Variants in DGKI observed in about 807,000 individuals in gnomAD.
DGKI encodes DAG kinase iota.
DGKI carries 55 observed loss-of-function variants against 147.5 expected under a neutral mutation model. The observed-to-expected ratio is 0.37, with a 90% confidence interval of 0.30 to 0.47. The LOEUF is 0.47. Ranked by LOEUF, DGKI falls within the 20% of genes least tolerant of loss-of-function variation. The probability of loss-of-function intolerance (pLI) is 1.00; values close to 1 mark genes in which losing one functional copy is unlikely to be tolerated. For missense variants in DGKI, 1,007 were observed against 1,323.8 expected (o/e 0.76, Z 3.71); for synonymous variants, 469 against 477.1 (o/e 0.98, Z 0.22).
At chr7:137,400,703 C>T (rs906880352) in intron 30 of DGKI, among the ~76,000 whole-genome samples, 3 of 152,082 alleles carry the variant, frequency 2.0e-5, no homozygotes, top group Non-Finnish European at 4.4e-5. Flanking sequence ...AGGTGAGAGG[C>T]AGAGGCACTA....
At chr7:137,513,683 G>A (rs1816654795) in intron 21 of DGKI, among the ~76,000 whole-genome samples, 1 of 152,186 alleles carries the variant, frequency 6.6e-6, no homozygotes, top group East Asian at 1.9e-4. Flanking sequence ...GGTATAGCCT[G>A]TAGCTCCTAG....
chr7:137,691,014 A>T (rs1823584922), intron 1 of DGKI, among the ~76,000 whole-genome samples: 1 of 152,174 alleles, frequency 6.6e-6, no homozygotes, highest in Non-Finnish European at 1.5e-5. Context: ...TAGAAGGGAG[A>T]GGGGCTTTTC....
In DGKI at chr7:137,846,701, G is replaced by T; in HGVS notation, c.162C>A (p.Asn54Lys). The T allele has an allele frequency of 1.9e-6, 2 of 1,042,576 alleles. No individual in the cohort carries two copies. The allele number at this position is 1,042,576 out of a possible 1,614,324, so 64.6% of individuals were successfully genotyped here. A position where few individuals can be genotyped will look rare whatever the true frequency, so the allele number is the denominator to read the frequency against. ...PSAAAGAGAMNPSSSAGEEKG... is the reference protein window; with the variant it reads ...PSAAAGAGAMKPSSSAGEEKG... ...TCTCCTCTCCCGCCGAGGAGCTGGG[G>T]TTCATGGCGCCCGCTCCGGCGGCCG... Residue 54 changes from asparagine (N) to lysine (K), a missense_variant, in exon 1 of 33, where the codon AAC becomes AAA. Transcript: ENST00000614521. The surrounding 1 kb of genome is among the most constrained non-coding windows in gnomAD (Gnocchi z 4.0).
At chr7:137,780,747 G>A (rs796992597) in intron 1 of DGKI, among the ~76,000 whole-genome samples, 2 of 152,200 alleles carry the variant, frequency 1.3e-5, no homozygotes, top group South Asian at 2.1e-4. Context: ...AGAGCTAGAC[G>A]TTTTGCAAAA....
chr7:137,745,787 A>G (rs1205821118), intron 1 of DGKI, among the ~76,000 whole-genome samples: 4 of 152,234 alleles, frequency 2.6e-5, no homozygotes, highest in African/African-American at 9.6e-5. Flanking sequence ...GATAGAAAAA[A>G]AAACATATGC....
At chr7:137,432,616 T>C (rs1399447934) in intron 28 of DGKI, among the ~76,000 whole-genome samples, 1 of 152,138 alleles carries the variant, frequency 6.6e-6, no homozygotes, top group Non-Finnish European at 1.5e-5. Flanking sequence ...GATGAAGAAA[T>C]TGAGGTTTAA....
rs764680698 is a variant in DGKI, at chr7:137,412,219, A to C, written c.2762-12T>G. On this transcript the variant is annotated splice_polypyrimidine_tract_variant and intron_variant, in intron 28 of 32. Transcript: ENST00000614521. Reference sequence around the variant, plus strand: ...TGCCTGCAAAATTGCTGTGAAAGACAAAAGAGAGATGTCCCATTAGTAGAA... The same window carrying C: ...TGCCTGCAAAATTGCTGTGAAAGACCAAAGAGAGATGTCCCATTAGTAGAA... 3.7e-6 allele frequency: 6 copies of C among 1,612,828 alleles called. No homozygotes were observed. The highest frequency in any genetic ancestry group is 5.1e-6 in the Non-Finnish European group (6 of 1,178,826).
chr7:137,389,794 G>A lies in DGKI; in HGVS notation c.*1426C>T, dbSNP rs7779548. The A allele has an allele frequency of 0.28, 42,577 of 151,954 alleles. 7,013 individuals are homozygous for A. Among genetic ancestry groups the A allele is most frequent in the Admixed American group, 0.36 (5,420 of 15,258 alleles). The allele number at this position is 151,954 out of a possible 1,614,324, so 9.4% of individuals were successfully genotyped here. On this transcript the variant is annotated 3_prime_UTR_variant, in exon 33 of 33. Coordinates refer to ENST00000614521, the MANE Select transcript of DGKI (RefSeq NM_001321708.2). ...TCTAACTATCTGACAGACATTTCTG[G>A]CTAGATTCCAATGGTGGTTTGCACT...
intron 6 of DGKI, among the ~76,000 whole-genome samples, chr7:137,641,626 T>A (rs532053793): frequency 1.1e-4 from 16 of 152,258 alleles, no homozygotes; most frequent in Admixed American, 1.0e-3. Flanking sequence ...AGATATCTTA[T>A]GTATACGCAA....
chr7:137,508,486 A>G (rs1816451975), intron 21 of DGKI, among the ~76,000 whole-genome samples: 1 of 152,050 alleles, frequency 6.6e-6, no homozygotes. Flanking sequence ...TCGGCCTCCC[A>G]AAGTGCTGGG....
At chr7:137,675,564 A>T (rs1823003395) in intron 3 of DGKI, among the ~76,000 whole-genome samples, 1 of 151,964 alleles carries the variant, frequency 6.6e-6, no homozygotes. Flanking sequence ...TTGCACCTGT[A>T]ACCCCAGCTA....
At chr7:137,579,557 T>G (rs1005572101) in intron 15 of DGKI, among the ~76,000 whole-genome samples, 4 of 152,054 alleles carry the variant, frequency 2.6e-5, no homozygotes, top group African/African-American at 9.7e-5. Context: ...AGTCCATACC[T>G]CTGGTCTAAG....
chr7:137,416,859 G>T (rs978044496), intron 28 of DGKI, among the ~76,000 whole-genome samples: 1 of 152,110 alleles, frequency 6.6e-6, no homozygotes, highest in Non-Finnish European at 1.5e-5. Flanking sequence ...TCATAACCAC[G>T]AGTAGTTTCC....
Position 137,385,042 on chromosome 7 carries a change from T to C in DGKI, c.*6178A>G, listed in dbSNP as rs1811144301. On this transcript the variant is annotated 3_prime_UTR_variant, in exon 33 of 33. Transcript: ENST00000614521. ...TTACAGGCAGAATTTTCTTCTGTGGTTATACTAGATTACACTTAACTCTTA... is the reference window on the plus strand; with the variant it reads ...TTACAGGCAGAATTTTCTTCTGTGGCTATACTAGATTACACTTAACTCTTA... 1 of 152,106 alleles carries C rather than the reference T, an allele frequency of 6.6e-6. No homozygotes were observed. The allele number at this position is 152,106 out of a possible 1,614,324, so 9.4% of individuals were successfully genotyped here. A position where few individuals can be genotyped will look rare whatever the true frequency, so the allele number is the denominator to read the frequency against.
chr7:137,414,381 G>T (rs1161521031), intron 28 of DGKI, among the ~76,000 whole-genome samples: 1 of 152,204 alleles, frequency 6.6e-6, no homozygotes, highest in Non-Finnish European at 1.5e-5. Flanking sequence ...GCTATAAGCA[G>T]CATCCTCTTT....
At chr7:137,513,887 T>C in intron 21 of DGKI, 3 of 699,054 alleles carry the variant, frequency 4.3e-6, no homozygotes, top group Non-Finnish European at 7.7e-6. Context: ...AAGAAGCGAA[T>C]GCGCAGGCTG....
intron 5 of DGKI, among the ~76,000 whole-genome samples, chr7:137,651,045 G>A (rs185605697): frequency 6.6e-6 from 1 of 152,216 alleles, no homozygotes; most frequent in Non-Finnish European, 1.5e-5. Context: ...CAGAGGGTTT[G>A]CTTTTGCTCT....
intron 4 of DGKI, among the ~76,000 whole-genome samples, chr7:137,656,221 T>A (rs543738267): frequency 6.6e-6 from 1 of 152,250 alleles, no homozygotes; most frequent in African/African-American, 2.4e-5. Flanking sequence ...GGCTTTTCCA[T>A]CTAACTGTGT....
Position 137,846,161 on chromosome 7 carries a change from TCACACACACACACACACACACACA to T in DGKI, c.401+277_401+300del, listed in dbSNP as rs58484819. ...CTCTCTCTCTCTCTCTCTCTCTCTC[TCACACACACACACACACACACACA>T]CACACACACACACACACAGACAAAA... On this transcript the variant is annotated intron_variant, in intron 1 of 32. Coordinates refer to ENST00000614521, the MANE Select transcript of DGKI (RefSeq NM_001321708.2). This position sits in a 1 kb window ranked among gnomAD's most constrained non-coding sequence, Gnocchi z 4.0. 1.8e-5 allele frequency among the ~76,000 whole-genome samples: 2 copies of T among 108,182 alleles called. No individual in the cohort carries two copies. Among genetic ancestry groups the T allele is most frequent in the African/African-American group, 7.7e-5 (2 of 25,930 alleles). The allele number at this position is 108,182 out of a possible 152,430, so 71.0% of individuals were successfully genotyped here.
Sources: allele counts gnomAD v4.1 joint callset (sites outside exome capture counted in the v4.1 genomes callset), GRCh38; gene constraint gnomAD v4.1.1; non-coding constraint Gnocchi (gnomAD v3.1); transcripts MANE v1.5; gene names NCBI Gene and HGNC (gene_info 2026-07-23, HGNC 2026-07-21).